UNC45A: variants seen among roughly 807,000 people sequenced by gnomAD.
UNC45A encodes unc-45 myosin chaperone A.
Under a neutral mutation model 103.2 loss-of-function variants are expected in UNC45A, and 78 were observed. The ratio of observed to expected loss-of-function variants is 0.76; its 90% CI spans 0.63 to 0.91. The LOEUF (loss-of-function observed/expected upper bound fraction) is 0.91. Among genes scored for constraint, UNC45A ranks in the 40% least tolerant of loss-of-function variants. The pLI, the probability that UNC45A is intolerant of heterozygous loss-of-function variation, is 0.00. For synonymous variants in UNC45A, 495 were observed against 504.6 expected (o/e 0.98, Z 0.25); for missense variants, 1,193 against 1,224.8 (o/e 0.97, Z 0.39).
At chr15:90,938,543 C>T (rs2036129945) in intron 4 of UNC45A, among the ~76,000 whole-genome samples, 1 of 152,076 alleles carries the variant, frequency 6.6e-6, no homozygotes, top group Non-Finnish European at 1.5e-5. Flanking sequence ...ACTGGTTAGT[C>T]ATGGCTGCCA....
chr15:90,932,132 G>C, upstream of UNC45A: 1 of 1,575,808 alleles, frequency 6.3e-7, no homozygotes, highest in Non-Finnish European at 8.6e-7. Flanking sequence ...GGGCAAAGCA[G>C]GAAGTCAGGT....
chr15:90,939,877 A>ACCCTTCACCCATG, intron 5 of UNC45A, 54 bp downstream of exon 5: 1 of 1,555,410 alleles, frequency 6.4e-7, no homozygotes. Context: ...CCACCCATCC[A>ACCCTTCACCCATG]TAGGCCCCCG....
intron 17 of UNC45A, among the ~76,000 whole-genome samples, chr15:90,951,648 G>A (rs2036920632): frequency 6.6e-6 from 1 of 152,190 alleles, no homozygotes; most frequent in African/African-American, 2.4e-5. Flanking sequence ...AATGCATGCT[G>A]GGCTTAATAC....
upstream of UNC45A, chr15:90,931,415 A>G (rs1359111083): frequency 1.9e-6 from 3 of 1,596,488 alleles, no homozygotes; most frequent in Non-Finnish European, 2.6e-6. Context: ...CCTGCATAAG[A>G]GTCGACAGAA....
rs1325146232 is a variant in UNC45A, at chr15:90,935,324, G to T, written c.-1G>T. On this transcript the variant is annotated 5_prime_UTR_variant, in exon 1 of 20. Coordinates refer to ENST00000418476, the MANE Select transcript of UNC45A (RefSeq NM_018671.5). The stretch of plus-strand genomic sequence containing the variant: ...CGCGGGCACGAGACAACCTCTCCGC[G>T]ATGACTGTGAGTGGTCCAGGGACCC... 1.2e-6 allele frequency: 2 copies of T among 1,603,660 alleles called. No individual in the cohort carries two copies. The highest frequency in any genetic ancestry group is 1.7e-6 in the Non-Finnish European group (2 of 1,176,760).
Position 90,940,367 on chromosome 15 carries a change from G to A in UNC45A, c.581G>A (p.Ser194Asn). The change falls in exon 6 of 20, where the codon AGT becomes AAT. Residue 194 changes from serine to asparagine, a missense_variant. By Grantham distance (46) the Ser-to-Asn change is conservative. Coordinates refer to ENST00000418476, the MANE Select transcript of UNC45A (RefSeq NM_018671.5). ...EDAGAEKIFR[S>N]NGVQLLQRLL... ...GCTGGAGCGGAGAAGATCTTCCGGA[G>A]TAATGGGGTTCAGCTCTTGCAACGT... 1 of 1,614,212 alleles carries A rather than the reference G, an allele frequency of 6.2e-7. No homozygotes were observed. Among genetic ancestry groups the A allele is most frequent in the South Asian group, 1.1e-5 (1 of 91,088 alleles).
chr15:90,936,135 A>T, intron 3 of UNC45A, 150 bp from the exon 4 acceptor site: 1 of 1,501,882 alleles, frequency 6.7e-7, no homozygotes, highest in Non-Finnish European at 8.9e-7. Context: ...CCTTTTCTGC[A>T]GCTACCCTCA....
chr15:90,948,250 G>T lies in UNC45A; in HGVS notation c.1704G>T (p.Ala568=). The change falls in exon 12 of 20, where the codon GCG becomes GCT. Residue 568 remains alanine (A), a synonymous_variant. Coordinates refer to ENST00000418476, the MANE Select transcript of UNC45A (RefSeq NM_018671.5). ...TGAAGGAAGAGTTTGTGGAGGATGC[G>T]GCTGCTCTGAAAGCTCTGTTCCAGC... ...ADVKEEFVED[A]AALKALFQLS... 1 of 1,614,044 alleles carries T rather than the reference G, an allele frequency of 6.2e-7. No individual in the cohort carries two copies.
At chr15:90,952,262 A>T (rs2036955638) in intron 17 of UNC45A, 1 of 152,244 alleles carries the variant, frequency 6.6e-6, no homozygotes, top group Non-Finnish European at 1.5e-5. Flanking sequence ...AAGAGATTTA[A>T]TTGCTTCCTG....
At chr15:90,949,600 G>A (rs938382772) in intron 14 of UNC45A, 54 bp from the exon 15 acceptor site, 25 of 1,610,586 alleles carry the variant, frequency 1.6e-5, no homozygotes, top group Non-Finnish European at 1.9e-5. Context: ...GGAGTGCAGC[G>A]TCTGCCTGCC....
At chr15:90,938,801 A>C (rs1436352835) in intron 4 of UNC45A, among the ~76,000 whole-genome samples, 1 of 152,078 alleles carries the variant, frequency 6.6e-6, no homozygotes, top group Non-Finnish European at 1.5e-5. Flanking sequence ...CCTCCCGAGT[A>C]GCTGGGATTA....
Position 90,953,199 on chromosome 15 carries a change from G to T in UNC45A, c.2466G>T (p.Leu822=), listed in dbSNP as rs1432947861. The part of the protein sequence containing the change: ...FEAQGNDRLK[L]LVLYSGEDDE... ...CCCAGGGCAATGACCGACTGAAGCT[G>T]CTGGTGCTGTACAGTGGAGAGGATG... Residue 822 remains leucine, a synonymous_variant, in exon 19 of 20, where the codon CTG becomes CTT. Transcript: ENST00000418476. The T allele has an allele frequency of 3.1e-6, 5 of 1,613,854 alleles. No homozygotes were observed. The highest frequency in any genetic ancestry group is 4.2e-6 in the Non-Finnish European group (5 of 1,180,030).
intron 12 of UNC45A, 57 bp downstream of exon 12, chr15:90,948,340 C>A: frequency 1.3e-6 from 2 of 1,599,546 alleles, no homozygotes; most frequent in Non-Finnish European, 1.7e-6. Context: ...TAGACCTTAC[C>A]AGGCTTTCTC....
chr15:90,932,407 G>A, upstream of UNC45A: 1 of 1,302,886 alleles, frequency 7.7e-7, no homozygotes, highest in Non-Finnish European at 9.8e-7. Context: ...CGCAGCCGGC[G>A]CTCCGCGGCC....
upstream of UNC45A, chr15:90,932,435 G>A: frequency 1.5e-6 from 2 of 1,364,684 alleles, no homozygotes; most frequent in Non-Finnish European, 1.9e-6. Context: ...CCACCGATGG[G>A]GTGGTTGATG....
At chr15:90,932,762 G>C (rs2035850884), upstream of UNC45A, 6 of 393,134 alleles carry the variant, frequency 1.5e-5, no homozygotes, top group East Asian at 2.2e-4. Flanking sequence ...TGCTCTGTTG[G>C]GGGTGCAAGA....
rs1264905814 is a variant in UNC45A at position 90,939,790 on chromosome 15, C to A, written c.486C>A (p.Asp162Glu). The A allele has an allele frequency of 3.1e-6, 5 of 1,614,056 alleles. No individual in the cohort carries two copies. The highest frequency in any genetic ancestry group is 4.2e-6 in the Non-Finnish European group (5 of 1,180,046). Residue 162 changes from aspartate (D) to glutamate (E), a missense_variant, in exon 5 of 20, where the codon GAC (aspartate) becomes GAA (glutamate). Transcript: ENST00000418476. ...KVEQMFQILLDPEEKGTEKKQ... is the reference protein window; with the variant it reads ...KVEQMFQILLEPEEKGTEKKQ... ...AACAGATGTTTCAGATACTGTTGGACCCAGAAGAGAAGGGCACTGAGAAAA... is the reference window on the plus strand; with the variant it reads ...AACAGATGTTTCAGATACTGTTGGAACCAGAAGAGAAGGGCACTGAGAAAA...
chr15:90,948,369 G>C (rs2036693113), intron 12 of UNC45A, 86 bp downstream of exon 12: 2 of 1,569,454 alleles, frequency 1.3e-6, no homozygotes. Context: ...TTGGCCAATG[G>C]GGTCTTTTGA....
chr15:90,930,995 G>T, upstream of UNC45A: 1 of 417,662 alleles, frequency 2.4e-6, no homozygotes, highest in Non-Finnish European at 4.4e-6. Flanking sequence ...AAGTCCCTGA[G>T]GGGCCAGAGA....
Sources: gnomAD v4.1 joint callset for allele counts (sites outside exome capture counted in the v4.1 genomes callset) on GRCh38, gnomAD v4.1.1 for gene constraint, MANE v1.5 for transcripts, NCBI Gene and HGNC (gene_info 2026-07-23, HGNC 2026-07-21) for gene names.